Variants in XKR9 observed in about 807,000 individuals in gnomAD.
The protein encoded by XKR9 is XK-related protein 9.
A neutral mutation model predicts 32.0 loss-of-function variants in XKR9; 32 were observed. The observed-to-expected ratio is 1.00, with a 90% CI of 0.76 to 1.34. XKR9 has a LOEUF of 1.34. XKR9 is among the 40% of genes most tolerant of loss of function. The pLI, the probability that XKR9 is intolerant of heterozygous loss-of-function variation, is 0.00. For missense variants in XKR9, 546 were observed against 429.7 expected, an observed-to-expected ratio of 1.27 and a Z score of -2.39; for synonymous variants, 168 against 143.4, an observed-to-expected ratio of 1.17 and a Z score of -1.22.
the XKR9 span, among the ~76,000 whole-genome samples, chr8:70,961,038 T>C: frequency 5.3e-5 from 8 of 152,140 alleles, no homozygotes; most frequent in Non-Finnish European, 1.2e-4. Context: ...GGTACGACAG[T>C]GCATGCCTGT....
chr8:70,930,195 G>A, the XKR9 span, among the ~76,000 whole-genome samples: 1 of 152,108 alleles, frequency 6.6e-6, no homozygotes, highest in East Asian at 1.9e-4. Flanking sequence ...GGGTGGAGTA[G>A]GTGAATATAA....
intron 4 of XKR9, among the ~76,000 whole-genome samples, chr8:70,709,777 A>G (rs1805846736): frequency 6.6e-6 from 1 of 152,210 alleles, no homozygotes. Context: ...AGAATTACAA[A>G]ACACTGTTAA....
At chr8:71,019,422 T>C in the XKR9 span, among the ~76,000 whole-genome samples, 2 of 152,354 alleles carry the variant, frequency 1.3e-5, no homozygotes, top group East Asian at 3.9e-4. Flanking sequence ...TTACAGTCTT[T>C]ATTTCTTCAT....
chr8:70,836,803 C>T, the XKR9 span, among the ~76,000 whole-genome samples: 1 of 152,070 alleles, frequency 6.6e-6, no homozygotes, highest in East Asian at 1.9e-4. Flanking sequence ...TACAAGGTGT[C>T]AGGCACTATG....
At chr8:70,915,316 GT>G in the XKR9 span, among the ~76,000 whole-genome samples, 1 of 152,178 alleles carries the variant, frequency 6.6e-6, no homozygotes, top group Non-Finnish European at 1.5e-5. Flanking sequence ...TAGTTTGTTA[GT>G]TTTCCAAAGG....
At chr8:71,031,752 A>G in the XKR9 span, among the ~76,000 whole-genome samples, 1 of 152,234 alleles carries the variant, frequency 6.6e-6, no homozygotes, top group East Asian at 1.9e-4. Context: ...TTTCAAAATA[A>G]AAATAGATAT....
chr8:70,802,050 C>A, the XKR9 span, among the ~76,000 whole-genome samples: 1 of 151,918 alleles, frequency 6.6e-6, no homozygotes, highest in Admixed American at 6.5e-5. Context: ...CATTCTCCTG[C>A]CTCAGCCTCC....
intron 2 of XKR9, among the ~76,000 whole-genome samples, chr8:70,778,523 A>G (rs1170333554): frequency 1.3e-5 from 2 of 152,198 alleles, no homozygotes; most frequent in African/African-American, 2.4e-5. Flanking sequence ...CATTGAATCT[A>G]TAAATTACTT....
chr8:70,901,191 G>A, the XKR9 span, among the ~76,000 whole-genome samples: 2 of 152,172 alleles, frequency 1.3e-5, no homozygotes, highest in African/African-American at 2.4e-5. Flanking sequence ...GGATTGCTGG[G>A]TCAAATGGTA....
intron 4 of XKR9, among the ~76,000 whole-genome samples, chr8:70,716,432 G>A (rs897331458): frequency 7.6e-6 from 1 of 131,314 alleles, no homozygotes; most frequent in Non-Finnish European, 1.8e-5. Context: ...CAGGGCTGCG[G>A]TGGGGGGCCT....
chr8:70,976,462 C>A, the XKR9 span, among the ~76,000 whole-genome samples: 1 of 152,156 alleles, frequency 6.6e-6, no homozygotes, highest in African/African-American at 2.4e-5. Context: ...TTTTCTGCAT[C>A]TATTGAGATA....
chr8:71,061,913 A>G, the XKR9 span, among the ~76,000 whole-genome samples: 1 of 152,250 alleles, frequency 6.6e-6, no homozygotes, highest in Non-Finnish European at 1.5e-5. Context: ...TCGCTCTGTG[A>G]CACTGCAGCA....
intron 2 of XKR9, among the ~76,000 whole-genome samples, chr8:70,764,050 A>G (rs1807342465): frequency 6.6e-6 from 1 of 152,162 alleles, no homozygotes; most frequent in Admixed American, 6.5e-5. Context: ...GATAGTTTTG[A>G]GTCTATAGCC....
chr8:70,733,787 G>C lies in XKR9; in HGVS notation c.494-9G>C. 11 of 1,529,430 alleles carry C rather than the reference G, an allele frequency of 7.2e-6. No individual in the cohort carries two copies. Among genetic ancestry groups the C allele is most frequent in the Non-Finnish European group, 9.6e-6 (11 of 1,144,828 alleles). The allele number at this position is 1,529,430 out of a possible 1,614,324, so 94.7% of individuals were successfully genotyped here. A position where few individuals can be genotyped will look rare whatever the true frequency, so the allele number is the denominator to read the frequency against. Reference sequence around the variant, plus strand: ...ATAACAATATATTTTTTATTTTTTTGTTTTGTAGATGCGGCCATCATGGTC... The same window carrying C: ...ATAACAATATATTTTTTATTTTTTTCTTTTGTAGATGCGGCCATCATGGTC... On this transcript the variant is annotated splice_polypyrimidine_tract_variant and intron_variant, in intron 4 of 4. Transcript: ENST00000408926.
intron 4 of XKR9, among the ~76,000 whole-genome samples, chr8:70,718,089 A>G (rs918984565): frequency 6.6e-6 from 1 of 152,100 alleles, no homozygotes; most frequent in Non-Finnish European, 1.5e-5. Context: ...AAGGCATTCA[A>G]CAAGTCTCTA....
the XKR9 span, among the ~76,000 whole-genome samples, chr8:71,051,528 G>GGTGT: frequency 1.2e-4 from 5 of 40,208 alleles, no homozygotes; most frequent in Admixed American, 1.2e-3. Context: ...GTGGTGGTGG[G>GGTGT]GTGTGTGTGT....
At chr8:70,746,167 TTA>T (rs1049453788) in intron 2 of XKR9, among the ~76,000 whole-genome samples, 2 of 150,640 alleles carry the variant, frequency 1.3e-5, no homozygotes, top group African/African-American at 4.9e-5. Flanking sequence ...AAATATATAA[TTA>T]TATGTTATAT....
In XKR9 at chr8:70,776,919, T is replaced by TCTC. The variant is rs1466163794; in HGVS notation, n.353-12420_353-12419insCTC. Among the ~76,000 whole-genome samples the TCTC allele has an allele frequency of 3.5e-3, 248 of 70,040 alleles. 12 individuals are homozygous for TCTC. Among genetic ancestry groups the TCTC allele is most frequent in the Non-Finnish European group, 4.7e-3 (185 of 39,302 alleles). The allele number at this position is 70,040 out of a possible 152,430, so 45.9% of individuals were successfully genotyped here. On this transcript the variant is annotated intron_variant and non_coding_transcript_variant, in intron 2 of 3. Transcript: ENST00000520273. ...ACCTTGCATTTAGCAGGTTTTCTCTTTCTTTCTCTCTCTCTCTCTCTCTCT... is the reference window on the plus strand; with the variant it reads ...ACCTTGCATTTAGCAGGTTTTCTCTTCTCTCTTTCTCTCTCTCTCTCTCTCTCT...
downstream of XKR9, among the ~76,000 whole-genome samples, chr8:70,794,849 G>GTGTGTGT (rs1563483072): frequency 2.0e-5 from 3 of 150,472 alleles, no homozygotes; most frequent in Admixed American, 6.6e-5. Context: ...GTGTGTGTGT[G>GTGTGTGT]GTATATTTGT....
Sources: allele counts gnomAD v4.1 joint callset (sites outside exome capture counted in the v4.1 genomes callset), GRCh38; gene constraint gnomAD v4.1.1; transcripts MANE v1.5; gene names NCBI Gene and HGNC (gene_info 2026-07-23, HGNC 2026-07-21).